The following FSTL5 variants were observed in gnomAD, a reference collection of about 807,000 sequenced individuals.
FSTL5 encodes the protein follistatin-related protein 5.
Under a neutral mutation model 89.1 loss-of-function variants are expected in FSTL5, and 62 were observed. The observed-to-expected ratio is 0.70, with a 90% confidence interval of 0.57 to 0.86. The LOEUF (loss-of-function observed/expected upper bound fraction) is 0.86, where lower values mean the gene tolerates loss of function less well. Ranked by LOEUF, FSTL5 falls within the 40% of genes least tolerant of loss-of-function variation. The pLI, the probability that FSTL5 is intolerant of heterozygous loss-of-function variation, is 0.00. For synonymous variants in FSTL5, 383 were observed against 346.2 expected, an observed-to-expected ratio of 1.11 and a Z score of -1.18; for missense variants, 1,057 against 1,001.6, an observed-to-expected ratio of 1.06 and a Z score of -0.75.
chr4:161,480,166 C>T (rs80102368), intron 13 of FSTL5, among the ~76,000 whole-genome samples: 4,421 of 152,214 alleles, frequency 0.029, 148 homozygotes, highest in East Asian at 0.13. Context: ...TGATAGGAAA[C>T]GGGCATATAG....
intron 2 of FSTL5, among the ~76,000 whole-genome samples, chr4:162,047,144 A>G (rs1346105992): frequency 6.6e-6 from 1 of 152,148 alleles, no homozygotes; most frequent in Non-Finnish European, 1.5e-5. Flanking sequence ...AAGCTTCTTC[A>G]TAAGGAGATA....
At chr4:161,977,335 G>A (rs1039819534) in intron 3 of FSTL5, among the ~76,000 whole-genome samples, 2 of 151,606 alleles carry the variant, frequency 1.3e-5, no homozygotes, top group Non-Finnish European at 2.9e-5. Flanking sequence ...ATTATTGGCC[G>A]GGCTCAGTGG....
At chr4:161,689,358 T>C (rs1737848674) in intron 6 of FSTL5, among the ~76,000 whole-genome samples, 1 of 152,152 alleles carries the variant, frequency 6.6e-6, no homozygotes, top group South Asian at 2.1e-4. Context: ...AATAGTCACA[T>C]GTGATCATTG....
intron 15 of FSTL5, among the ~76,000 whole-genome samples, chr4:161,397,269 T>C (rs1199982434): frequency 6.6e-6 from 1 of 152,042 alleles, no homozygotes; most frequent in Non-Finnish European, 1.5e-5. Flanking sequence ...AAAACCTCTA[T>C]ATACACGCAC....
chr4:161,651,057 C>T (rs1355381490), intron 7 of FSTL5, among the ~76,000 whole-genome samples: 1 of 152,070 alleles, frequency 6.6e-6, no homozygotes, highest in Non-Finnish European at 1.5e-5. Context: ...TATTTCCTCT[C>T]CAGGTTTCTC....
intron 2 of FSTL5, among the ~76,000 whole-genome samples, chr4:162,084,671 G>A (rs1342267527): frequency 2.0e-5 from 3 of 151,972 alleles, no homozygotes; most frequent in Admixed American, 6.6e-5. Context: ...AGTAACACGG[G>A]AACAGAAAAC....
At chr4:162,116,843 A>G (rs1220858585) in intron 1 of FSTL5, among the ~76,000 whole-genome samples, 2 of 152,122 alleles carry the variant, frequency 1.3e-5, no homozygotes, top group Non-Finnish European at 2.9e-5. Flanking sequence ...TGTCCTAGAA[A>G]AATTCTATGG....
chr4:161,686,802 C>A (rs56059964), intron 6 of FSTL5, among the ~76,000 whole-genome samples: 10,132 of 152,000 alleles, frequency 0.067, 404 homozygotes, highest in South Asian at 0.18. Context: ...GTGCAATAGG[C>A]ACACTTTTAA....
At chr4:161,633,390 A>G (rs1355084046) in intron 7 of FSTL5, among the ~76,000 whole-genome samples, 1 of 151,298 alleles carries the variant, frequency 6.6e-6, no homozygotes, top group Non-Finnish European at 1.5e-5. Context: ...CTCTGTCACC[A>G]GTTTGGAGTG....
At chr4:161,829,764 G>T (rs1241480891) in intron 4 of FSTL5, among the ~76,000 whole-genome samples, 1 of 151,952 alleles carries the variant, frequency 6.6e-6, no homozygotes, top group African/African-American at 2.4e-5. Flanking sequence ...ATATAGTTTT[G>T]GATTCACATT....
chr4:161,824,558 C>A (rs910479355), intron 4 of FSTL5, among the ~76,000 whole-genome samples: 1 of 152,002 alleles, frequency 6.6e-6, no homozygotes, highest in African/African-American at 2.4e-5. Flanking sequence ...TTGATTCTAG[C>A]CATACATGAG....
chr4:162,072,991 C>G (rs1428347834), intron 2 of FSTL5, among the ~76,000 whole-genome samples: 1 of 151,758 alleles, frequency 6.6e-6, no homozygotes. Context: ...GAGGCACTGA[C>G]TCTTCTTGGG....
At chr4:162,079,957 T>C (rs1345289432) in intron 2 of FSTL5, among the ~76,000 whole-genome samples, 1 of 151,528 alleles carries the variant, frequency 6.6e-6, no homozygotes, top group African/African-American at 2.4e-5. Flanking sequence ...CCAAAGCTAA[T>C]GTTAGTTGGC....
chr4:161,674,596 C>T (rs77593641), intron 6 of FSTL5, among the ~76,000 whole-genome samples: 579 of 152,288 alleles, frequency 3.8e-3, no homozygotes, highest in African/African-American at 0.013. Context: ...TTCTCCAGTC[C>T]CACTGAGGCA....
intron 4 of FSTL5, among the ~76,000 whole-genome samples, chr4:161,877,444 A>C (rs915384629): frequency 1.3e-5 from 2 of 151,408 alleles, no homozygotes; most frequent in Non-Finnish European, 2.9e-5. Context: ...ATTTTTACTA[A>C]GTGGAAAAAT....
rs776965466 is a variant in FSTL5 at position 161,385,892 on chromosome 4, A to G, written c.2399T>C (p.Ile800Thr). Residue 800 changes from isoleucine (I) to threonine (T), a missense_variant, in exon 16 of 16, where the codon ATC (isoleucine) becomes ACC (threonine). Physicochemically the swap from Ile to Thr is moderately conservative, Grantham distance 89. Transcript: ENST00000306100. ...TTGACCAAACAAGCCACTGTCCTGGATTTGCCTGTTTTTCCGGTTCCAAGG... is the reference window on the plus strand; with the variant it reads ...TTGACCAAACAAGCCACTGTCCTGGGTTTGCCTGTTTTTCCGGTTCCAAGG... ...EWPWNRKNRQ[I>T]QDSGLFGQYL... 6.2e-7 allele frequency: 1 copy of G among 1,613,764 alleles called. No individual in the cohort carries two copies. Among genetic ancestry groups the G allele is most frequent in the Non-Finnish European group, 8.5e-7 (1 of 1,179,908 alleles).
chr4:161,853,509 A>C, intron 4 of FSTL5, among the ~76,000 whole-genome samples: 1 of 150,660 alleles, frequency 6.6e-6, no homozygotes. Flanking sequence ...CTCAGGTGAT[A>C]CACCTGCCTC....
At chr4:161,689,634 AT>A (rs545788399) in intron 6 of FSTL5, among the ~76,000 whole-genome samples, 2 of 149,986 alleles carry the variant, frequency 1.3e-5, no homozygotes, top group Admixed American at 6.7e-5. Context: ...TTTAGAGGAC[AT>A]TTTTTTACTG....
At chr4:161,479,641 AT>A (rs1578866063) in intron 13 of FSTL5, among the ~76,000 whole-genome samples, 1 of 152,100 alleles carries the variant, frequency 6.6e-6, no homozygotes, top group East Asian at 1.9e-4. Flanking sequence ...ATACAGCAAA[AT>A]TTTTTCTCAC....
Sources: allele counts gnomAD v4.1 joint callset (sites outside exome capture counted in the v4.1 genomes callset), GRCh38; gene constraint gnomAD v4.1.1; transcripts MANE v1.5; gene names NCBI Gene and HGNC (gene_info 2026-07-23, HGNC 2026-07-21).